Variants in ZNF385D observed in about 807,000 individuals in gnomAD.
ZNF385D encodes the protein zinc finger protein 385D.
ZNF385D carries 15 observed loss-of-function variants against 35.8 expected under a neutral mutation model. That is an observed-to-expected ratio of 0.42 (90% CI 0.28 to 0.64). The LOEUF (loss-of-function observed/expected upper bound fraction) is 0.64. Among genes scored for constraint, ZNF385D ranks in the 30% least tolerant of loss-of-function variants. ZNF385D has a pLI of 0.23. For synonymous variants in ZNF385D, 212 were observed against 186.8 expected (o/e 1.13, Z -1.10); for missense variants, 474 against 494.6 (o/e 0.96, Z 0.39).
intron 3 of ZNF385D, among the ~76,000 whole-genome samples, chr3:21,761,168 G>T (rs1370107690): frequency 1.3e-5 from 2 of 152,098 alleles, no homozygotes; most frequent in Non-Finnish European, 2.9e-5. Context: ...ACCTTGGAAG[G>T]GGATTCTTCA....
In ZNF385D at chr3:21,694,042, C is replaced by CTATTTTTTTTTTTTTTTT. The variant is rs2067379702; in HGVS notation, c.23-29015_23-29014insAAAAAAAAAAAAAAAATA. 1.1e-3 allele frequency among the ~76,000 whole-genome samples: 24 copies of CTATTTTTTTTTTTTTTTT among 22,168 alleles called. 1 individual carries two copies. Among genetic ancestry groups the CTATTTTTTTTTTTTTTTT allele is most frequent in the African/African-American group, 4.8e-3 (23 of 4,756 alleles). The allele number at this position is 22,168 out of a possible 152,430, so 14.5% of individuals were successfully genotyped here. On this transcript the variant is annotated intron_variant, in intron 1 of 7. Coordinates refer to ENST00000281523, the MANE Select transcript of ZNF385D (RefSeq NM_024697.3). ...TACAGGCGCGTGCCACTACGCCTGGCTTTTTTTTTTTTTTTTTTTGAGACA... is the reference window on the plus strand; with the variant it reads ...TACAGGCGCGTGCCACTACGCCTGGCTATTTTTTTTTTTTTTTTTTTTTTTTTTTTTTTTTTTGAGACA...
rs370703299 is a variant in ZNF385D at position 21,938,983 on chromosome 3, G to C, written c.325+229834C>G. ...TCTTCCAGTTCAAGGCCCATCTTTTGTGCTTCCTGGTATCTGGAATTTGGT... is the reference window on the plus strand; with the variant it reads ...TCTTCCAGTTCAAGGCCCATCTTTTCTGCTTCCTGGTATCTGGAATTTGGT... On this transcript the variant is annotated intron_variant, in intron 3 of 5. Transcript: ENST00000494108. 6.6e-5 allele frequency among the ~76,000 whole-genome samples: 10 copies of C among 152,272 alleles called. No homozygotes were observed. The South Asian group carries it at 1.9e-3, about 28-fold the overall frequency.
intron 4 of ZNF385D, among the ~76,000 whole-genome samples, chr3:21,480,388 C>A (rs1704541821): frequency 6.6e-6 from 1 of 152,084 alleles, no homozygotes; most frequent in Non-Finnish European, 1.5e-5. Flanking sequence ...CGGGTGTGAG[C>A]CACCGTGCCC....
rs980207673 is a variant in ZNF385D at position 21,419,099 on chromosome 3, C to T, written c.*2115G>A. On this transcript the variant is annotated 3_prime_UTR_variant, in exon 8 of 8. Transcript: ENST00000281523. ...AGAGAAGCATGGTTTGAAATTCTTTCTACCAGAATACTGATGGAACACATT... is the reference window on the plus strand; with the variant it reads ...AGAGAAGCATGGTTTGAAATTCTTTTTACCAGAATACTGATGGAACACATT... 6.5e-6 allele frequency: 1 copy of T among 152,968 alleles called. No homozygotes were observed. The highest frequency in any genetic ancestry group is 1.5e-5 in the Non-Finnish European group (1 of 68,262). The allele number at this position is 152,968 out of a possible 1,614,324, so 9.5% of individuals were successfully genotyped here. A position where few individuals can be genotyped will look rare whatever the true frequency, so the allele number is the denominator to read the frequency against.
chr3:22,211,177 G>T lies in ZNF385D; in HGVS notation c.107-42142C>A, dbSNP rs141517868. On this transcript the variant is annotated intron_variant, in intron 2 of 5. Coordinates refer to the ZNF385D transcript ENST00000494108. ...GAGATTATAAATTTCTCAAAAGTGG[G>T]AACATAATAAGCATAAATAATATTT... 7.8e-3 allele frequency among the ~76,000 whole-genome samples: 1,187 copies of T among 151,928 alleles called. 11 individuals carry two copies. Among genetic ancestry groups the T allele is most frequent in the African/African-American group, 0.019 (802 of 41,484 alleles).
chr3:21,968,087 A>G (rs1703011088), intron 3 of ZNF385D, among the ~76,000 whole-genome samples: 1 of 152,154 alleles, frequency 6.6e-6, no homozygotes, highest in Non-Finnish European at 1.5e-5. Context: ...CAGAGAGAGT[A>G]TCCATGTGCT....
intron 3 of ZNF385D, among the ~76,000 whole-genome samples, chr3:21,819,710 GTA>G (rs1310149870): frequency 2.1e-5 from 3 of 140,598 alleles, no homozygotes; most frequent in East Asian, 4.1e-4. Flanking sequence ...ATATATACAC[GTA>G]TATATATACA....
chr3:22,108,944 G>T (rs931248463), intron 3 of ZNF385D, among the ~76,000 whole-genome samples: 1 of 152,102 alleles, frequency 6.6e-6, no homozygotes, highest in Non-Finnish European at 1.5e-5. Flanking sequence ...CCTGAGAAGC[G>T]GAGGTTGCAA....
intron 4 of ZNF385D, among the ~76,000 whole-genome samples, chr3:21,440,343 C>T (rs1365190154): frequency 2.0e-5 from 3 of 152,130 alleles, no homozygotes; most frequent in African/African-American, 7.2e-5. Context: ...TTCTCGTAAC[C>T]CCTGTCTAAC....
intron 3 of ZNF385D, among the ~76,000 whole-genome samples, chr3:21,545,278 A>G (rs1327979523): frequency 2.0e-5 from 3 of 152,216 alleles, no homozygotes; most frequent in Non-Finnish European, 2.9e-5. Flanking sequence ...TGATAACTTT[A>G]GAGATTGTAA....
rs199837845 is a variant in ZNF385D, at chr3:21,908,085, AT to A, written c.326-243058del. On this transcript the variant is annotated intron_variant, in intron 3 of 5. Coordinates refer to the ZNF385D transcript ENST00000494108. Reference sequence around the variant, plus strand: ...TAGTAACTAGGCAAAAAAGTTATTTATTTTCTCTCTATATCTATATATCTTT... The same window carrying A: ...TAGTAACTAGGCAAAAAAGTTATTTATTTCTCTCTATATCTATATATCTTT... Among the ~76,000 whole-genome samples, 401 of 151,422 alleles carry A rather than the reference AT, an allele frequency of 2.6e-3. 3 individuals are homozygous for A. The highest frequency in any genetic ancestry group is 9.2e-3 in the African/African-American group (378 of 41,292).
Position 22,159,148 on chromosome 3 carries a change from G to A in ZNF385D, c.325+9669C>T, listed in dbSNP as rs146355247. The stretch of plus-strand genomic sequence containing the variant: ...AAGTTCACACATTAAAAAAAATTCT[G>A]CACTCTCATTTCATACTACCAGTGC... On this transcript the variant is annotated intron_variant, in intron 3 of 5. Transcript: ENST00000494108. Among the ~76,000 whole-genome samples, 50 of 151,928 alleles carry A rather than the reference G, an allele frequency of 3.3e-4. No homozygotes were observed. In the East Asian group the frequency reaches 8.5e-3, roughly 26 times the overall value.
intron 4 of ZNF385D, among the ~76,000 whole-genome samples, chr3:21,456,809 G>C (rs1185423680): frequency 6.6e-6 from 1 of 152,078 alleles, no homozygotes; most frequent in Non-Finnish European, 1.5e-5. Flanking sequence ...CTTTTCCCCA[G>C]ATAGCCAGAT....
intron 5 of ZNF385D, among the ~76,000 whole-genome samples, chr3:21,430,716 C>T (rs1399015115): frequency 1.3e-5 from 2 of 152,116 alleles, no homozygotes; most frequent in South Asian, 2.1e-4. Flanking sequence ...TCTTTATATG[C>T]ACCCATTTCT....
chr3:22,343,337 G>C (rs1244469541), intron 2 of ZNF385D, among the ~76,000 whole-genome samples: 1 of 152,206 alleles, frequency 6.6e-6, no homozygotes, highest in South Asian at 2.1e-4. Context: ...TACTGTGGAA[G>C]CCAAAGGTGT....
At chr3:21,783,608 T>C (rs1462946348) in intron 3 of ZNF385D, among the ~76,000 whole-genome samples, 5 of 152,080 alleles carry the variant, frequency 3.3e-5, no homozygotes, top group Non-Finnish European at 7.4e-5. Flanking sequence ...AGAGAGCCCA[T>C]TCAGTCTCAT....
At chr3:22,227,598 G>C (rs1226935748) in intron 2 of ZNF385D, among the ~76,000 whole-genome samples, 4 of 152,110 alleles carry the variant, frequency 2.6e-5, no homozygotes, top group Non-Finnish European at 4.4e-5. Flanking sequence ...CTAAGAGCTG[G>C]AGCTCAGCCA....
chr3:21,741,691 C>T (rs568129090), intron 1 of ZNF385D, among the ~76,000 whole-genome samples: 1 of 151,970 alleles, frequency 6.6e-6, no homozygotes, highest in African/African-American at 2.4e-5. Flanking sequence ...AAAAGTCCAG[C>T]AACACATGGA....
chr3:21,995,703 G>C (rs1405754006), intron 3 of ZNF385D, among the ~76,000 whole-genome samples: 1 of 151,814 alleles, frequency 6.6e-6, no homozygotes, highest in African/African-American at 2.4e-5. Flanking sequence ...TGGTAGGCAG[G>C]AGTGGCTTGT....
Sources: allele counts gnomAD v4.1 joint callset (sites outside exome capture counted in the v4.1 genomes callset), GRCh38; gene constraint gnomAD v4.1.1; transcripts MANE v1.5; gene names NCBI Gene and HGNC (gene_info 2026-07-23, HGNC 2026-07-21).